PACRGL: variants seen among roughly 807,000 people sequenced by gnomAD.
PACRGL encodes parkin coregulated like.
A neutral mutation model predicts 34.5 loss-of-function variants in PACRGL; 38 were observed. The observed-to-expected ratio is 1.10, with a 90% CI of 0.85 to 1.44. PACRGL has a LOEUF of 1.44. Ranked by LOEUF, PACRGL falls within the 40% of genes most tolerant of loss-of-function variation. The pLI is 0.00. For missense variants in PACRGL, 305 were observed against 281.4 expected (o/e 1.08, Z -0.60); for synonymous variants, 128 against 100.1 (o/e 1.28, Z -1.66).
Position 20,712,868 on chromosome 4 carries a change from T to A in PACRGL, c.447T>A (p.Pro149=). ...FRELLLVKGA[P]EKAIPLLPRL... The stretch of plus-strand genomic sequence containing the variant: ...AATTACTTTTGGTCAAAGGTGCTCC[T>A]GAAAAAGCTATTCCTTTGCTACCTA... The change falls in exon 6 of 9, where the codon CCT becomes CCA. Residue 149 remains proline (P), a synonymous_variant. Transcript: ENST00000503585. 6.2e-7 allele frequency: 1 copy of A among 1,605,644 alleles called. No homozygotes were observed. The highest frequency in any genetic ancestry group is 8.5e-7 in the Non-Finnish European group (1 of 1,174,920).
rs1484682377 is a variant in PACRGL at position 20,721,946 on chromosome 4, G to A, written c.610-2862G>A. Among the ~76,000 whole-genome samples, 4 of 152,336 alleles carry A rather than the reference G, an allele frequency of 2.6e-5. No individual in the cohort carries two copies. The East Asian group carries it at 5.8e-4, about 22-fold the overall frequency. ...AGGTGGAGTCTACAGAGGCAGGCAG[G>A]CCTCCTTGAGCTGTGGTGGGCTCCA... On this transcript the variant is annotated intron_variant, in intron 7 of 8. Coordinates refer to ENST00000503585, the MANE Select transcript of PACRGL (RefSeq NM_001258345.3).
intron 8 of PACRGL, among the ~76,000 whole-genome samples, chr4:20,741,239 A>C (rs1751008776): frequency 6.6e-6 from 1 of 152,130 alleles, no homozygotes. Context: ...CATCTACAGA[A>C]CTCTCCACCC....
downstream of PACRGL, among the ~76,000 whole-genome samples, chr4:20,735,934 A>G (rs755037200): frequency 1.1e-4 from 17 of 152,244 alleles, no homozygotes; most frequent in Admixed American, 3.3e-4. Context: ...GGGGAAATCC[A>G]AAAGTCTTCT....
In PACRGL at chr4:20,713,464, A is replaced by G; in HGVS notation, c.534A>G (p.Gly178=). 2 of 1,613,742 alleles carry G rather than the reference A, an allele frequency of 1.2e-6. No homozygotes were observed. Among genetic ancestry groups the G allele is most frequent in the Non-Finnish European group, 1.7e-6 (2 of 1,179,776 alleles). Residue 178 remains glycine (G), a synonymous_variant, in exon 7 of 9, where the codon GGA becomes GGG. Transcript: ENST00000503585. ...VHSDDEVFER[G]LNALVQLSVV... ...CGGATGATGAAGTGTTTGAAAGAGG[A>G]TTGAATGCTCTAGTTCAGCTAAGTG...
intron 7 of PACRGL, among the ~76,000 whole-genome samples, chr4:20,713,982 G>T (rs909753656): frequency 6.6e-6 from 1 of 152,144 alleles, no homozygotes; most frequent in African/African-American, 2.4e-5. Context: ...CTGTTGATTT[G>T]GGGTGGAGAG....
chr4:20,737,553 G>T (rs950509059), downstream of PACRGL, among the ~76,000 whole-genome samples: 1 of 152,162 alleles, frequency 6.6e-6, no homozygotes, highest in African/African-American at 2.4e-5. Flanking sequence ...TGGTGTGGAT[G>T]CCAGCAGCTG....
At chr4:20,748,205 C>T (rs567198182) in intron 8 of PACRGL, among the ~76,000 whole-genome samples, 20 of 152,228 alleles carry the variant, frequency 1.3e-4, no homozygotes, top group African/African-American at 4.1e-4. Flanking sequence ...GCCTCTATCT[C>T]CTTCCCCAAC....
intron 8 of PACRGL, among the ~76,000 whole-genome samples, chr4:20,751,018 C>G (rs1753521450): frequency 6.6e-6 from 1 of 152,186 alleles, no homozygotes; most frequent in Non-Finnish European, 1.5e-5. Flanking sequence ...TCTCTCCTGG[C>G]TCTCAGGGCT....
intron 7 of PACRGL, among the ~76,000 whole-genome samples, chr4:20,716,575 C>T (rs1242888179): frequency 6.6e-6 from 1 of 152,164 alleles, no homozygotes; most frequent in Non-Finnish European, 1.5e-5. Flanking sequence ...TGAGTGAGAA[C>T]ATGCCGTGTT....
intron 4 of PACRGL, among the ~76,000 whole-genome samples, chr4:20,709,065 G>A (rs1280741758): frequency 2.0e-5 from 3 of 152,162 alleles, no homozygotes; most frequent in Non-Finnish European, 4.4e-5. Flanking sequence ...CTTGAACCTG[G>A]GAGGCGGAGG....
At chr4:20,702,308 A>G (rs1405050837) in intron 1 of PACRGL, 3 of 421,220 alleles carry the variant, frequency 7.1e-6, no homozygotes, top group Admixed American at 2.7e-5. Flanking sequence ...TTTGCTGTGC[A>G]TCGCTTTTAT....
downstream of PACRGL, among the ~76,000 whole-genome samples, chr4:20,733,593 T>A (rs1027262681): frequency 6.6e-6 from 1 of 152,170 alleles, no homozygotes; most frequent in Admixed American, 6.6e-5. Flanking sequence ...AAGTAGCAAG[T>A]AGTTTGTTAG....
rs927150116 is a variant in PACRGL at position 20,729,877 on chromosome 4, GAACTCAGTGGCATTATGAA to G, written c.*2539_*2557del. The G allele has an allele frequency of 8.1e-5, 39 of 478,644 alleles. No homozygotes were observed. The highest frequency in any genetic ancestry group is 1.3e-4 in the Non-Finnish European group (37 of 277,104). The allele number at this position is 478,644 out of a possible 1,614,324, so 29.6% of individuals were successfully genotyped here. A position where few individuals can be genotyped will look rare whatever the true frequency, so the allele number is the denominator to read the frequency against. ...TATGAAATGAGTTAGACCATCCCCT[GAACTCAGTGGCATTATGAA>G]AAGGATGCAAATTTATAACTGAAAG... On this transcript the variant is annotated 3_prime_UTR_variant, in exon 9 of 9. Coordinates refer to ENST00000503585, the MANE Select transcript of PACRGL (RefSeq NM_001258345.3).
chr4:20,751,290 A>C (rs1009868782), intron 8 of PACRGL, among the ~76,000 whole-genome samples: 1 of 152,174 alleles, frequency 6.6e-6, no homozygotes, highest in African/African-American at 2.4e-5. Context: ...TCTAGAGTGG[A>C]TATCCATCCA....
intron 7 of PACRGL, among the ~76,000 whole-genome samples, chr4:20,719,496 T>C (rs991421152): frequency 1.3e-5 from 2 of 152,228 alleles, no homozygotes; most frequent in Non-Finnish European, 2.9e-5. Flanking sequence ...TACACACTGC[T>C]TTAAATATGT....
chr4:20,732,565 T>C (rs947268474), downstream of PACRGL: 5 of 707,534 alleles, frequency 7.1e-6, no homozygotes, highest in Admixed American at 7.2e-5. Flanking sequence ...AAATACTGTT[T>C]TGTTTCAGTA....
At chr4:20,735,560 C>T (rs1458615333), downstream of PACRGL, among the ~76,000 whole-genome samples, 4 of 128,330 alleles carry the variant, frequency 3.1e-5, no homozygotes, top group African/African-American at 5.9e-5. Flanking sequence ...GATGGAATCT[C>T]GCACTGTTGC....
chr4:20,712,250 T>C (rs1262299512), intron 5 of PACRGL, among the ~76,000 whole-genome samples: 2 of 151,830 alleles, frequency 1.3e-5, no homozygotes, highest in African/African-American at 2.4e-5. Flanking sequence ...CTTTTCCTTT[T>C]TCTTATTTTT....
chr4:20,750,217 C>T (rs926579498), intron 8 of PACRGL, among the ~76,000 whole-genome samples: 4 of 152,198 alleles, frequency 2.6e-5, no homozygotes, highest in Non-Finnish European at 5.9e-5. Flanking sequence ...AGGTGAAAAA[C>T]ATACCCAAAG....
Sources: allele counts gnomAD v4.1 joint callset (sites outside exome capture counted in the v4.1 genomes callset), GRCh38; gene constraint gnomAD v4.1.1; transcripts MANE v1.5; gene names NCBI Gene and HGNC (gene_info 2026-07-23, HGNC 2026-07-21).